The following DYNC2H1 variants were observed in gnomAD, a reference collection of about 807,000 sequenced individuals.
DYNC2H1 encodes cytoplasmic dynein 2 heavy chain 1.
In DYNC2H1, 410 loss-of-function variants were observed where a neutral mutation model predicts 570.0. The observed-to-expected ratio is 0.72, with a 90% CI of 0.66 to 0.78. The LOEUF (loss-of-function observed/expected upper bound fraction) is 0.78, where lower values mean the gene tolerates loss of function less well. Ranked by LOEUF, DYNC2H1 falls within the 30% of genes least tolerant of loss-of-function variation. DYNC2H1 has a pLI of 0.00. For synonymous variants in DYNC2H1, 1,688 were observed against 1,677.6 expected (o/e 1.01, Z -0.15); for missense variants, 4,865 against 5,046.4 (o/e 0.96, Z 1.09).
rs1865938509 is a variant in DYNC2H1, at chr11:103,277,072, A to T, written c.10696-3276A>T. On this transcript the variant is annotated intron_variant, in intron 70 of 88. Coordinates refer to ENST00000375735, the MANE Select transcript of DYNC2H1 (RefSeq NM_001377.3). This position sits in a 1 kb window ranked among gnomAD's most constrained non-coding sequence, Gnocchi z 4.3. ...TAATTTTTTAAATTACAAGTTATTC[A>T]TGCTCTTTGTAATAGCCAAATAATG... Among the ~76,000 whole-genome samples the T allele has an allele frequency of 6.6e-6, 1 of 152,110 alleles. No individual in the cohort carries two copies.
In DYNC2H1 at chr11:103,369,784, T is replaced by G. The variant is rs144831170; in HGVS notation, c.12156+11425T>G. ...AGATTCATCACCTGCTAACTGAAGA[T>G]CCCTTGTGCCCTGCATAACCAGCAG... On this transcript the variant is annotated intron_variant, in intron 83 of 88. Coordinates refer to ENST00000375735, the MANE Select transcript of DYNC2H1 (RefSeq NM_001377.3). This position sits in a 1 kb window ranked among gnomAD's most constrained non-coding sequence, Gnocchi z 4.0. 1.1e-3 allele frequency among the ~76,000 whole-genome samples: 166 copies of G among 152,236 alleles called. No individual in the cohort carries two copies. The highest frequency in any genetic ancestry group is 3.7e-3 in the African/African-American group (155 of 41,558).
chr11:103,342,834 T>G (rs559363884), intron 82 of DYNC2H1, among the ~76,000 whole-genome samples: 40 of 152,232 alleles, frequency 2.6e-4, no homozygotes, highest in African/African-American at 9.1e-4. Context: ...CACAGCTTCA[T>G]TCTTGAAGTC....
intron 87 of DYNC2H1, among the ~76,000 whole-genome samples, chr11:103,458,765 C>T (rs535752323): frequency 6.6e-5 from 10 of 152,142 alleles, no homozygotes; most frequent in African/African-American, 2.4e-4. Flanking sequence ...TCCCCAGCAA[C>T]CCCAACCTTT....
chr11:103,121,282 C>A, intron 9 of DYNC2H1, 90 bp from the exon 10 acceptor site: 1 of 1,387,474 alleles, frequency 7.2e-7, no homozygotes, highest in East Asian at 2.5e-5. Context: ...TTTCTTTCTA[C>A]AGCATCTGAC....
chr11:103,272,066 TTAC>T (rs764503127), intron 70 of DYNC2H1, among the ~76,000 whole-genome samples: 19 of 152,200 alleles, frequency 1.2e-4, no homozygotes, highest in Admixed American at 3.3e-4. Flanking sequence ...AGCCATCCCA[TTAC>T]TGGGTATATA....
intron 12 of DYNC2H1, 141 bp downstream of exon 12, chr11:103,125,436 G>T: frequency 3.4e-6 from 2 of 591,602 alleles, no homozygotes; most frequent in South Asian, 3.3e-5. Context: ...TACTAAATGA[G>T]TCCATTACAA....
At chr11:103,126,098 A>G (rs1477288384) in intron 12 of DYNC2H1, among the ~76,000 whole-genome samples, 1 of 152,168 alleles carries the variant, frequency 6.6e-6, no homozygotes, top group Non-Finnish European at 1.5e-5. Flanking sequence ...TGGCAGGAAC[A>G]GTATCTTGTA....
intron 55 of DYNC2H1, among the ~76,000 whole-genome samples, chr11:103,217,443 G>A (rs942643820): frequency 3.3e-5 from 5 of 152,168 alleles, no homozygotes; most frequent in Non-Finnish European, 1.5e-5. Context: ...TCACTGGAAT[G>A]TGGTCGGTTG....
chr11:103,420,214 CAT>C (rs1398326462), intron 84 of DYNC2H1, among the ~76,000 whole-genome samples: 10 of 151,964 alleles, frequency 6.6e-5, no homozygotes, highest in African/African-American at 2.4e-4. Context: ...ACTTGGAAAA[CAT>C]ATTTCAGGAT....
chr11:103,260,636 T>G (rs76281329), intron 70 of DYNC2H1, among the ~76,000 whole-genome samples: 1 of 151,352 alleles, frequency 6.6e-6, no homozygotes, highest in South Asian at 2.1e-4. Context: ...TTTTTTTTTT[T>G]GGAGACAGAG....
intron 83 of DYNC2H1, among the ~76,000 whole-genome samples, chr11:103,376,664 T>C (rs969712484): frequency 6.6e-6 from 1 of 152,226 alleles, no homozygotes; most frequent in Non-Finnish European, 1.5e-5. Flanking sequence ...TATTTGTAGC[T>C]GCTGTTTTTT....
Position 103,181,442 on chromosome 11 carries a change from G to T in DYNC2H1, c.6348-315G>T, listed in dbSNP as rs569562567. ...ATGTAGAGCCTATGTAGAGTAGGTTGTGTAGATATATAATTCTCGTTTAGT... is the reference window on the plus strand; with the variant it reads ...ATGTAGAGCCTATGTAGAGTAGGTTTTGTAGATATATAATTCTCGTTTAGT... On this transcript the variant is annotated intron_variant, in intron 39 of 88. Transcript: ENST00000375735. This position sits in a 1 kb window ranked among gnomAD's most constrained non-coding sequence, Gnocchi z 5.0. Among the ~76,000 whole-genome samples, 2 of 151,700 alleles carry T rather than the reference G, an allele frequency of 1.3e-5. No individual in the cohort carries two copies. The highest frequency in any genetic ancestry group is 1.3e-4 in the Admixed American group (2 of 15,196).
chr11:103,179,257 C>T (rs908280585), intron 39 of DYNC2H1, 24 bp downstream of exon 39: 5 of 1,601,072 alleles, frequency 3.1e-6, no homozygotes, highest in Non-Finnish European at 4.3e-6. Context: ...TATTTATATA[C>T]AGTATATTAG....
chr11:103,442,695 A>T (rs1944308027), intron 85 of DYNC2H1, among the ~76,000 whole-genome samples: 1 of 152,106 alleles, frequency 6.6e-6, no homozygotes, highest in Admixed American at 6.6e-5. Flanking sequence ...TTGGCTTTGA[A>T]GATAACAAAA....
At chr11:103,143,539 G>T in intron 18 of DYNC2H1, 144 bp downstream of exon 18, 3 of 809,230 alleles carry the variant, frequency 3.7e-6, no homozygotes, top group Non-Finnish European at 5.3e-6. Flanking sequence ...TATCATCTAG[G>T]TAGGGCATTA....
At chr11:103,437,800 A>G (rs1210293785) in intron 85 of DYNC2H1, among the ~76,000 whole-genome samples, 3 of 152,140 alleles carry the variant, frequency 2.0e-5, no homozygotes, top group African/African-American at 7.2e-5. Context: ...GGGACTTTAA[A>G]CTTGCCATGA....
Position 103,179,083 on chromosome 11 carries a change from T to A in DYNC2H1, c.6197T>A (p.Leu2066Gln). The A allele has an allele frequency of 6.2e-7, 1 of 1,612,810 alleles. No homozygotes were observed. The highest frequency in any genetic ancestry group is 8.5e-7 in the Non-Finnish European group (1 of 1,179,078). ...ATTGACCCTGAATGGATAGAATCTC[T>A]GAATTCTGTTCTGGATGATAATCGA... ...GDIDPEWIES[L>Q]NSVLDDNRLL... Residue 2066 changes from leucine (L) to glutamine (Q), a missense_variant, in exon 39 of 89, where the codon CTG becomes CAG. Leu to Gln is a moderately radical substitution (Grantham distance 113). Coordinates refer to ENST00000375735, the MANE Select transcript of DYNC2H1 (RefSeq NM_001377.3).
At chr11:103,295,244 G>T (rs1866770968) in intron 75 of DYNC2H1, among the ~76,000 whole-genome samples, 1 of 152,150 alleles carries the variant, frequency 6.6e-6, no homozygotes, top group Admixed American at 6.5e-5. Context: ...TCTGGCCCCG[G>T]GCTGCTGTAT....
At chr11:103,327,887 C>T (rs1009907068) in intron 82 of DYNC2H1, among the ~76,000 whole-genome samples, 2 of 152,190 alleles carry the variant, frequency 1.3e-5, no homozygotes, top group Non-Finnish European at 2.9e-5. Flanking sequence ...CACAGCTCCC[C>T]AGGCTAAGTG....
Sources: gnomAD v4.1 joint callset for allele counts (sites outside exome capture counted in the v4.1 genomes callset) on GRCh38, gnomAD v4.1.1 for gene constraint, Gnocchi (gnomAD v3.1) non-coding constraint, MANE v1.5 for transcripts, NCBI Gene and HGNC (gene_info 2026-07-23, HGNC 2026-07-21) for gene names.